The following SCAPER variants were observed in gnomAD, a reference collection of about 807,000 sequenced individuals.
The protein encoded by SCAPER is S-phase cyclin A associated protein in the ER.
In SCAPER, 98 loss-of-function variants were observed where a neutral mutation model predicts 182.2. The observed-to-expected ratio is 0.54, with a 90% CI of 0.46 to 0.64. The LOEUF (loss-of-function observed/expected upper bound fraction) is 0.64, where lower values mean the gene tolerates loss of function less well. SCAPER is among the 30% of genes least tolerant of loss of function. The probability of loss-of-function intolerance (pLI) is 0.00; values close to 1 mark genes in which losing one functional copy is unlikely to be tolerated. For synonymous variants in SCAPER, 605 were observed against 564.6 expected (o/e 1.07, Z -1.01); for missense variants, 1,432 against 1,690.0 (o/e 0.85, Z 2.68).
At position 76,354,163 on chromosome 15, in the gene SCAPER, G is replaced by T; in HGVS notation, c.3856-23C>A. On this transcript the variant is annotated intron_variant, in intron 29 of 31. Transcript: ENST00000563290. This position sits in a 1 kb window ranked among gnomAD's most constrained non-coding sequence, Gnocchi z 4.4. ...CACCTGAAATGGAAGAGCAGCCCAG[G>T]TCAGCTGCCGAAACGCCCCAGCCTG... 2.5e-6 allele frequency: 4 copies of T among 1,586,402 alleles called. No homozygotes were observed. The highest frequency in any genetic ancestry group is 2.6e-6 in the Non-Finnish European group (3 of 1,170,880).
At chr15:76,400,019 A>G (rs988913228) in intron 27 of SCAPER, among the ~76,000 whole-genome samples, 7 of 151,784 alleles carry the variant, frequency 4.6e-5, no homozygotes, top group African/African-American at 1.7e-4. Flanking sequence ...AAAAAAAAAA[A>G]AAGAGAAAAG....
At chr15:76,432,104 T>G (rs535753040) in intron 26 of SCAPER, among the ~76,000 whole-genome samples, 5 of 152,258 alleles carry the variant, frequency 3.3e-5, no homozygotes, top group Non-Finnish European at 5.9e-5. Context: ...GGCATGTGGC[T>G]AAGTTGTCTG....
intron 23 of SCAPER, among the ~76,000 whole-genome samples, chr15:76,548,756 AACTGGATCCCTTCCTT>A (rs2045504915): frequency 6.6e-6 from 1 of 152,236 alleles, no homozygotes; most frequent in African/African-American, 2.4e-5. Flanking sequence ...AGAAAGCTGA[AACTGGATCCCTTCCTT>A]ACACCTTATA....
At chr15:76,840,613 T>C (rs1009724082) in intron 5 of SCAPER, among the ~76,000 whole-genome samples, 1 of 152,220 alleles carries the variant, frequency 6.6e-6, no homozygotes, top group Admixed American at 6.5e-5. Context: ...TGTCTCAATA[T>C]GTAACTCTTC....
At chr15:76,530,807 G>C (rs1347943036) in intron 23 of SCAPER, among the ~76,000 whole-genome samples, 1 of 152,114 alleles carries the variant, frequency 6.6e-6, no homozygotes, top group Non-Finnish European at 1.5e-5. Flanking sequence ...AAGGAAGAGA[G>C]AGACAGAGGG....
chr15:76,574,088 C>T (rs2047646613), intron 23 of SCAPER, 70 bp downstream of exon 23: 4 of 1,495,682 alleles, frequency 2.7e-6, no homozygotes, highest in Admixed American at 4.0e-5. Flanking sequence ...TGCCTTATAG[C>T]TCTATGTACT....
intron 14 of SCAPER, among the ~76,000 whole-genome samples, chr15:76,756,500 C>A (rs886158678): frequency 6.6e-6 from 1 of 152,052 alleles, no homozygotes; most frequent in Admixed American, 6.6e-5. Flanking sequence ...ATGGCTTGAG[C>A]CCAGAAGTTC....
At chr15:76,383,873 T>A (rs2043126137) in intron 27 of SCAPER, among the ~76,000 whole-genome samples, 1 of 152,234 alleles carries the variant, frequency 6.6e-6, no homozygotes. Flanking sequence ...ATACAGAGAC[T>A]ATAATGCAAT....
intron 29 of SCAPER, among the ~76,000 whole-genome samples, chr15:76,356,756 A>G (rs952202840): frequency 5.3e-5 from 8 of 152,188 alleles, no homozygotes; most frequent in Admixed American, 6.5e-5. Flanking sequence ...GGGGCTTCCC[A>G]CAGAGCTTCC....
At chr15:76,830,971 A>G (rs1176145890) in intron 5 of SCAPER, among the ~76,000 whole-genome samples, 4 of 152,128 alleles carry the variant, frequency 2.6e-5, no homozygotes, top group African/African-American at 9.7e-5. Flanking sequence ...TGGAAGGGGT[A>G]AGTAAAACAG....
intron 5 of SCAPER, among the ~76,000 whole-genome samples, chr15:76,835,797 T>G (rs2068889077): frequency 6.6e-6 from 1 of 152,002 alleles, no homozygotes; most frequent in Non-Finnish European, 1.5e-5. Context: ...AACCTTATAG[T>G]CTCTGTCCAA....
At chr15:76,524,078 A>C (rs1300753922) in intron 23 of SCAPER, among the ~76,000 whole-genome samples, 1 of 152,140 alleles carries the variant, frequency 6.6e-6, no homozygotes, top group Admixed American at 6.5e-5. Context: ...AATTACTCAA[A>C]TACTTTACTT....
At position 76,875,963 on chromosome 15, in the gene SCAPER, G is replaced by A. The variant is rs375893357; in HGVS notation, c.6+7849C>T. Among the ~76,000 whole-genome samples, 142 of 152,230 alleles carry A rather than the reference G, an allele frequency of 9.3e-4. 1 individual carries two copies. Among genetic ancestry groups the A allele is most frequent in the African/African-American group, 2.9e-3 (119 of 41,548 alleles). On this transcript the variant is annotated intron_variant, in intron 2 of 31. Coordinates refer to ENST00000563290, the MANE Select transcript of SCAPER (RefSeq NM_020843.4). ...TCAGGCATGGCGGGCTGCAGGTCCC[G>A]AGCCCTGCCCCGCTGGGAGGCAGCA...
At chr15:76,399,423 C>A (rs2044302225) in intron 27 of SCAPER, among the ~76,000 whole-genome samples, 1 of 152,138 alleles carries the variant, frequency 6.6e-6, no homozygotes, top group Non-Finnish European at 1.5e-5. Flanking sequence ...CCTGAGCCAC[C>A]ACACCTGGCC....
rs565739217 is a variant in SCAPER, at chr15:76,496,445, G to A, written c.2954+8414C>T. 6.8e-4 allele frequency among the ~76,000 whole-genome samples: 104 copies of A among 152,080 alleles called. 3 individuals carry two copies. In the South Asian group the frequency reaches 0.02, roughly 30 times the overall value. On this transcript the variant is annotated intron_variant, in intron 24 of 31. Transcript: ENST00000563290. ...TTTGAGAGTTATAAAGAATATGAGC[G>A]GTACTGTTATTTGTTCTTACAGAAC...
rs369503844 is a variant in SCAPER, at chr15:76,403,976, T to A, written c.3467+548A>T. Among the ~76,000 whole-genome samples the A allele has an allele frequency of 1.8e-3, 280 of 152,264 alleles. 14 individuals carry two copies. The South Asian group carries it at 0.056, about 30-fold the overall frequency. On this transcript the variant is annotated intron_variant, in intron 27 of 31. Transcript: ENST00000563290. ...AAACAGCCAACCAGGCCAGTAGTAG[T>A]CCCTGGCACACTGGCTTTCACTATG...
At chr15:76,359,310 G>A (rs987149159) in intron 29 of SCAPER, among the ~76,000 whole-genome samples, 4 of 152,116 alleles carry the variant, frequency 2.6e-5, no homozygotes, top group Non-Finnish European at 4.4e-5. Context: ...AGCAAGTTTC[G>A]TGCCACGTAG....
At chr15:76,885,618 G>A (rs2073797770) in intron 1 of SCAPER, among the ~76,000 whole-genome samples, 1 of 152,142 alleles carries the variant, frequency 6.6e-6, no homozygotes, top group Non-Finnish European at 1.5e-5. Flanking sequence ...TGAGTAGCTG[G>A]GACTACAGGT....
At chr15:76,721,522 G>C (rs2150967841) in intron 17 of SCAPER, among the ~76,000 whole-genome samples, 1 of 152,012 alleles carries the variant, frequency 6.6e-6, no homozygotes, top group South Asian at 2.1e-4. Flanking sequence ...TGGGCAGTAT[G>C]GCCATTTTCA....
Sources: gnomAD v4.1 joint callset for allele counts (sites outside exome capture counted in the v4.1 genomes callset) on GRCh38, gnomAD v4.1.1 for gene constraint, Gnocchi (gnomAD v3.1) non-coding constraint, MANE v1.5 for transcripts, NCBI Gene and HGNC (gene_info 2026-07-23, HGNC 2026-07-21) for gene names.